NEK11: variants seen among roughly 807,000 people sequenced by gnomAD.
NEK11 encodes the protein serine/threonine-protein kinase Nek11.
NEK11 carries 72 observed loss-of-function variants against 80.7 expected under a neutral mutation model. That is an observed-to-expected ratio of 0.89 (90% CI 0.74 to 1.08). The LOEUF (loss-of-function observed/expected upper bound fraction) is 1.08, where lower values mean the gene tolerates loss of function less well. Ranked by LOEUF, NEK11 falls within the 50% of genes least tolerant of loss-of-function variation. The probability of loss-of-function intolerance (pLI) is 0.00; values close to 1 mark genes in which losing one functional copy is unlikely to be tolerated. For missense variants in NEK11, 764 were observed against 763.6 expected (o/e 1.00, Z -0.01); for synonymous variants, 251 against 260.7 (o/e 0.96, Z 0.36).
chr3:131,047,442 T>C (rs2067579162), intron 3 of NEK11, among the ~76,000 whole-genome samples: 1 of 152,226 alleles, frequency 6.6e-6, no homozygotes, highest in African/African-American at 2.4e-5. Context: ...GACTGCTGTT[T>C]AGATTCTTTT....
intron 5 of NEK11, among the ~76,000 whole-genome samples, chr3:131,132,510 A>G (rs2084679805): frequency 6.6e-6 from 1 of 152,054 alleles, no homozygotes; most frequent in African/African-American, 2.4e-5. Flanking sequence ...TTGAAAGCAT[A>G]TCACCGTTCT....
chr3:131,071,828 T>A (rs1231788284), intron 3 of NEK11, among the ~76,000 whole-genome samples: 5 of 152,162 alleles, frequency 3.3e-5, no homozygotes. Context: ...AAGTTATACA[T>A]TTTTTGTTTA....
At chr3:131,205,860 T>G (rs1399572589) in intron 14 of NEK11, among the ~76,000 whole-genome samples, 1 of 152,214 alleles carries the variant, frequency 6.6e-6, no homozygotes, top group African/African-American at 2.4e-5. Context: ...AATTTGGAAG[T>G]AATTCCTAGC....
At chr3:131,079,910 G>A (rs995109629) in intron 3 of NEK11, among the ~76,000 whole-genome samples, 1 of 152,034 alleles carries the variant, frequency 6.6e-6, no homozygotes, top group African/African-American at 2.4e-5. Flanking sequence ...GTAAATACAT[G>A]TAAATACATA....
intron 7 of NEK11, among the ~76,000 whole-genome samples, chr3:131,147,683 A>G (rs966763832): frequency 1.3e-5 from 2 of 151,994 alleles, no homozygotes; most frequent in Admixed American, 6.6e-5. Context: ...GTGCAAGTTT[A>G]TAGAAATAAA....
intron 17 of NEK11, among the ~76,000 whole-genome samples, chr3:131,274,179 A>G (rs940796644): frequency 7.1e-6 from 1 of 141,086 alleles, no homozygotes; most frequent in Non-Finnish European, 1.5e-5. Flanking sequence ...TCATTGTTCA[A>G]TTCCCACCTA....
At chr3:131,158,392 G>A (rs1183049092) in intron 10 of NEK11, among the ~76,000 whole-genome samples, 1 of 152,110 alleles carries the variant, frequency 6.6e-6, no homozygotes, top group African/African-American at 2.4e-5. Context: ...TACTGCTGCT[G>A]ACAGGAGTGT....
chr3:131,087,235 C>CTTTTT (rs59630167), intron 4 of NEK11, among the ~76,000 whole-genome samples: 20 of 81,210 alleles, frequency 2.5e-4, no homozygotes, highest in Non-Finnish European at 3.2e-4. Context: ...TATGCAAATT[C>CTTTTT]TTTTTTTTTT....
rs575549766 is a variant in NEK11, at chr3:131,332,386, A to G, written c.1719-17171A>G. ...TGGAGTGGACCTCTAGCAAACTCCA[A>G]CAGACCTGCAGCTGAGGGTCCTGTC... On this transcript the variant is annotated intron_variant, in intron 17 of 17. Coordinates refer to ENST00000383366, the MANE Select transcript of NEK11 (RefSeq NM_024800.5). Among the ~76,000 whole-genome samples the G allele has an allele frequency of 1.2e-3, 181 of 152,350 alleles. 1 individual carries two copies. The highest frequency in any genetic ancestry group is 4.1e-3 in the African/African-American group (170 of 41,570).
intron 3 of NEK11, among the ~76,000 whole-genome samples, chr3:131,054,797 T>C (rs1394929933): frequency 8.4e-6 from 1 of 119,424 alleles, no homozygotes; most frequent in Admixed American, 8.3e-5. Flanking sequence ...AATAAATGAA[T>C]GAATGTACCC....
At chr3:131,187,670 G>A (rs2093650196) in intron 14 of NEK11, among the ~76,000 whole-genome samples, 2 of 152,118 alleles carry the variant, frequency 1.3e-5, no homozygotes, top group Non-Finnish European at 2.9e-5. Context: ...TGCTGTGACA[G>A]CTTTCCACTA....
intron 9 of NEK11, among the ~76,000 whole-genome samples, chr3:131,153,133 A>G (rs75216749): frequency 0.019 from 2,911 of 152,276 alleles, 104 homozygotes; most frequent in African/African-American, 0.063. Context: ...AATAGTAGTC[A>G]GGACAATCTC....
At chr3:131,275,188 G>A (rs570498370) in intron 17 of NEK11, among the ~76,000 whole-genome samples, 1 of 152,014 alleles carries the variant, frequency 6.6e-6, no homozygotes, top group Non-Finnish European at 1.5e-5. Context: ...CTCTGTAGAG[G>A]GAAACTACCT....
chr3:131,217,988 A>G (rs1561031297), intron 14 of NEK11, among the ~76,000 whole-genome samples: 1 of 152,222 alleles, frequency 6.6e-6, no homozygotes, highest in Non-Finnish European at 1.5e-5. Context: ...TTGATATCTG[A>G]CAAAGGACTC....
At chr3:131,333,317 A>T (rs1333230624) in intron 17 of NEK11, among the ~76,000 whole-genome samples, 1 of 152,238 alleles carries the variant, frequency 6.6e-6, no homozygotes, top group Non-Finnish European at 1.5e-5. Flanking sequence ...AATATTCAAC[A>T]TTCTTAAAGA....
chr3:131,105,864 T>A (rs2079100294), intron 4 of NEK11, among the ~76,000 whole-genome samples: 1 of 152,242 alleles, frequency 6.6e-6, no homozygotes, highest in Non-Finnish European at 1.5e-5. Flanking sequence ...CTTTCTCATT[T>A]TGGATCAATC....
chr3:131,042,170 G>A (rs575927595), intron 3 of NEK11, among the ~76,000 whole-genome samples: 6 of 152,108 alleles, frequency 3.9e-5, no homozygotes, highest in Non-Finnish European at 7.4e-5. Context: ...CTGGGCAACC[G>A]TTTGGGCAGA....
At chr3:131,088,643 CTAAGAA>C (rs917520360) in intron 4 of NEK11, among the ~76,000 whole-genome samples, 2 of 151,968 alleles carry the variant, frequency 1.3e-5, no homozygotes, top group Non-Finnish European at 2.9e-5. Flanking sequence ...TTCATATCAC[CTAAGAA>C]TAAGTTCTGC....
rs186771575 is a variant in NEK11 at position 131,202,452 on chromosome 3, C to A, written c.1400-26076C>A. 2.3e-4 allele frequency among the ~76,000 whole-genome samples: 35 copies of A among 152,310 alleles called. No homozygotes were observed. In the South Asian group the frequency reaches 3.5e-3, roughly 15 times the overall value. On this transcript the variant is annotated intron_variant, in intron 14 of 17. Coordinates refer to ENST00000383366, the MANE Select transcript of NEK11 (RefSeq NM_024800.5). ...CACACCAGGAGATTATATCCAGCACCTGGCTCAGCAGGTCCCACGCCCATG... is the reference window on the plus strand; with the variant it reads ...CACACCAGGAGATTATATCCAGCACATGGCTCAGCAGGTCCCACGCCCATG...
Sources: gnomAD v4.1 joint callset for allele counts (sites outside exome capture counted in the v4.1 genomes callset) on GRCh38, gnomAD v4.1.1 for gene constraint, MANE v1.5 for transcripts, NCBI Gene and HGNC (gene_info 2026-07-23, HGNC 2026-07-21) for gene names.